Variants in BCR observed in about 807,000 individuals in gnomAD.
The protein encoded by BCR is breakpoint cluster region protein.
In BCR, 58 loss-of-function variants were observed where a neutral mutation model predicts 138.6. That is an observed-to-expected ratio of 0.42 (90% CI 0.34 to 0.52). BCR has a LOEUF of 0.52. Among genes scored for constraint, BCR ranks in the 20% least tolerant of loss-of-function variants. The pLI is 0.06. For synonymous variants in BCR, 786 were observed against 730.1 expected (o/e 1.08, Z -1.23); for missense variants, 1,599 against 1,727.2 (o/e 0.93, Z 1.32).
chr22:23,308,725 C>T (rs1056648615), intron 16 of BCR, among the ~76,000 whole-genome samples: 4 of 152,224 alleles, frequency 2.6e-5, no homozygotes, highest in African/African-American at 9.6e-5. Context: ...ACAGAGGCTT[C>T]ACGGATGGGG....
chr22:23,198,357 A>G, intron 1 of BCR: 1 of 446,214 alleles, frequency 2.2e-6, no homozygotes. Context: ...TCCCAGGGGG[A>G]GATTATTCCA....
intron 15 of BCR, among the ~76,000 whole-genome samples, chr22:23,293,279 A>C (rs1034263262): frequency 2.0e-5 from 3 of 152,132 alleles, no homozygotes; most frequent in Admixed American, 6.5e-5. Flanking sequence ...TGCTGCAGGT[A>C]GAGGCCAGCT....
At chr22:23,280,812 CCCAAAGGGAGTGTTGTCCTGCCAACTG>C (rs1386155784) in intron 8 of BCR, among the ~76,000 whole-genome samples, 2 of 152,210 alleles carry the variant, frequency 1.3e-5, no homozygotes, top group Non-Finnish European at 2.9e-5. Context: ...GGGGGGGCTC[CCCAAAGGGAGTGTTGTCCTGCCAACTG>C]GGGCCTGCTG....
intron 1 of BCR, among the ~76,000 whole-genome samples, chr22:23,246,590 G>A (rs1602059633): frequency 6.6e-6 from 1 of 152,278 alleles, no homozygotes; most frequent in Non-Finnish European, 1.5e-5. Context: ...GACCCAGCAG[G>A]CAGGTCACAC....
chr22:23,214,722 C>T (rs754001946), intron 1 of BCR, among the ~76,000 whole-genome samples: 12 of 152,172 alleles, frequency 7.9e-5, no homozygotes, highest in Non-Finnish European at 1.2e-4. Flanking sequence ...GAAACAGAGT[C>T]GGCGTTTGTG....
chr22:23,294,948 C>T (rs1568978461), intron 15 of BCR, 76 bp from the exon 16 acceptor site: 9 of 1,553,704 alleles, frequency 5.8e-6, no homozygotes, highest in Middle Eastern at 2.1e-4. Flanking sequence ...GGGAGAGCCC[C>T]GGTTCAGAGG....
intron 8 of BCR, among the ~76,000 whole-genome samples, chr22:23,276,664 ATGCC>A (rs1765533280): frequency 6.6e-6 from 1 of 152,216 alleles, no homozygotes; most frequent in Non-Finnish European, 1.5e-5. Context: ...AGGATGATAG[ATGCC>A]TGTGCTTTGC....
At chr22:23,277,581 T>G (rs1447021476) in intron 8 of BCR, among the ~76,000 whole-genome samples, 1 of 152,186 alleles carries the variant, frequency 6.6e-6, no homozygotes, top group Non-Finnish European at 1.5e-5. Flanking sequence ...TGGCATTTGA[T>G]GTCAAGAGGA....
At chr22:23,271,015 TG>T (rs1185664474) in intron 5 of BCR, among the ~76,000 whole-genome samples, 3 of 152,254 alleles carry the variant, frequency 2.0e-5, no homozygotes, top group Non-Finnish European at 4.4e-5. Flanking sequence ...TCTTCGGAAC[TG>T]GCAGCCCCCT....
chr22:23,272,872 C>T (rs192058041), intron 6 of BCR, among the ~76,000 whole-genome samples: 44 of 152,268 alleles, frequency 2.9e-4, no homozygotes, highest in Admixed American at 4.6e-4. Flanking sequence ...GTCTGACAGC[C>T]GCTCTGGACT....
intron 4 of BCR, chr22:23,264,222 C>G (rs965353873): frequency 7.3e-6 from 8 of 1,093,342 alleles, no homozygotes; most frequent in Non-Finnish European, 1.1e-5. Flanking sequence ...GGACCGGCAC[C>G]AAAGGGCCTG....
intron 4 of BCR, among the ~76,000 whole-genome samples, chr22:23,262,444 G>C (rs898893629): frequency 1.3e-5 from 2 of 152,246 alleles, no homozygotes; most frequent in African/African-American, 4.8e-5. Flanking sequence ...GAGGAACACA[G>C]AAGGCACTTA....
At chr22:23,190,343 T>C (rs542785980) in intron 1 of BCR, among the ~76,000 whole-genome samples, 2 of 152,268 alleles carry the variant, frequency 1.3e-5, no homozygotes, top group African/African-American at 4.8e-5. Flanking sequence ...AATTTTTGTA[T>C]TTTTAGTAGA....
intron 16 of BCR, among the ~76,000 whole-genome samples, chr22:23,301,331 T>C (rs756788065): frequency 9.2e-5 from 14 of 152,062 alleles, no homozygotes; most frequent in Non-Finnish European, 1.9e-4. Flanking sequence ...CCTGAAGAAA[T>C]TCCTAATGGC....
chr22:23,201,865 G>A (rs1312348248), intron 1 of BCR, among the ~76,000 whole-genome samples: 1 of 152,134 alleles, frequency 6.6e-6, no homozygotes, highest in African/African-American at 2.4e-5. Context: ...TTGAAAGGCT[G>A]GCATCTCAAG....
Position 23,191,626 on chromosome 22 carries a change from G to A in BCR, c.1279+9387G>A, listed in dbSNP as rs985507019. 2.0e-5 allele frequency among the ~76,000 whole-genome samples: 3 copies of A among 152,154 alleles called. No individual in the cohort carries two copies. In the South Asian group the frequency reaches 6.2e-4, roughly 32 times the overall value. The stretch of plus-strand genomic sequence containing the variant: ...GCCCTGCTGTAGTGTCCTGCAGGAT[G>A]GGCCACACTCTGGCCCTTTAACAGT... On this transcript the variant is annotated intron_variant, in intron 1 of 22. Transcript: ENST00000305877.
At chr22:23,188,680 CGGG>C (rs1210558352) in intron 1 of BCR, among the ~76,000 whole-genome samples, 1 of 151,980 alleles carries the variant, frequency 6.6e-6, no homozygotes, top group Non-Finnish European at 1.5e-5. Flanking sequence ...GGTCAAGACT[CGGG>C]GTGGTGGTGG....
At chr22:23,282,644 C>G (rs1013759387) in intron 8 of BCR, among the ~76,000 whole-genome samples, 13 of 152,216 alleles carry the variant, frequency 8.5e-5, no homozygotes, top group Admixed American at 5.9e-4. Context: ...GGCAAGGTGC[C>G]TGGTCTGGCC....
At chr22:23,280,919 A>G (rs531735235) in intron 8 of BCR, among the ~76,000 whole-genome samples, 2 of 152,348 alleles carry the variant, frequency 1.3e-5, no homozygotes, top group East Asian at 3.9e-4. Flanking sequence ...TTGCACCAGG[A>G]CACACACAGG....
Sources: allele counts gnomAD v4.1 joint callset (sites outside exome capture counted in the v4.1 genomes callset), GRCh38; gene constraint gnomAD v4.1.1; transcripts MANE v1.5; gene names NCBI Gene and HGNC (gene_info 2026-07-23, HGNC 2026-07-21).